The following PDCL2 variants were observed in gnomAD, a reference collection of about 807,000 sequenced individuals.
PDCL2 encodes phosducin-like protein 2.
In PDCL2, 23 loss-of-function variants were observed where a neutral mutation model predicts 30.3. The observed-to-expected ratio is 0.76, with a 90% CI of 0.55 to 1.08. The LOEUF (loss-of-function observed/expected upper bound fraction) is 1.08, where lower values mean the gene tolerates loss of function less well. PDCL2 is among the 50% of genes least tolerant of loss of function. The probability of loss-of-function intolerance (pLI) is 0.00; values close to 1 mark genes in which losing one functional copy is unlikely to be tolerated. For missense variants in PDCL2, 243 were observed against 282.3 expected (o/e 0.86, Z 1.00); for synonymous variants, 68 against 86.2 (o/e 0.79, Z 1.17).
chr4:55,568,238 G>A (rs530520635), intron 4 of PDCL2, among the ~76,000 whole-genome samples: 1 of 152,322 alleles, frequency 6.6e-6, no homozygotes, highest in African/African-American at 2.4e-5. Flanking sequence ...AGGCAGAGGG[G>A]TAGGGACCTA....
intron 1 of PDCL2, among the ~76,000 whole-genome samples, chr4:55,589,139 A>G (rs2412662): frequency 0.77 from 116,483 of 152,058 alleles, 44,975 homozygotes; most frequent in East Asian, 0.9. Flanking sequence ...TATTACAGGC[A>G]TGAGCCACCG....
intron 3 of PDCL2, among the ~76,000 whole-genome samples, chr4:55,571,204 G>A (rs6554291): frequency 0.76 from 114,692 of 151,806 alleles, 43,698 homozygotes; most frequent in East Asian, 0.9. Flanking sequence ...AACCATAATG[G>A]AAGCCTTATG....
chr4:55,560,180 C>CA (rs370486957), intron 5 of PDCL2, among the ~76,000 whole-genome samples: 2 of 60,046 alleles, frequency 3.3e-5, no homozygotes, highest in Admixed American at 2.1e-4. Context: ...ATATCTGTCT[C>CA]AAAAAAAAAG....
intron 1 of PDCL2, among the ~76,000 whole-genome samples, chr4:55,591,079 A>G (rs2110171634): frequency 6.6e-6 from 1 of 152,320 alleles, no homozygotes; most frequent in African/African-American, 2.4e-5. Flanking sequence ...ACACATATAA[A>G]ATGTGCTTGC....
chr4:55,562,498 AT>A lies in PDCL2; in HGVS notation c.476del (p.Asn159IlefsTer14), dbSNP rs1291166118. On this transcript the variant is annotated frameshift_variant, in exon 5 of 6. Coordinates refer to ENST00000295645, the MANE Select transcript of PDCL2 (RefSeq NM_152401.3). LOFTEE classifies it high-confidence loss of function. ...VNSCIQHYHD[N>X]CLPTIFVYKN... ...TATACACAAAAATTGTTGGTAAACAATTGTCATGGTAGTGTTGAATACAGCT... is the reference window on the plus strand; with the variant it reads ...TATACACAAAAATTGTTGGTAAACAATGTCATGGTAGTGTTGAATACAGCT... The A allele has an allele frequency of 3.2e-6, 5 of 1,576,196 alleles. No individual in the cohort carries two copies. The highest frequency in any genetic ancestry group is 4.3e-6 in the Non-Finnish European group (5 of 1,162,932).
At chr4:55,583,794 T>C (rs1732788434) in intron 1 of PDCL2, among the ~76,000 whole-genome samples, 1 of 152,212 alleles carries the variant, frequency 6.6e-6, no homozygotes, top group African/African-American at 2.4e-5. Context: ...ACCACGCTGT[T>C]TGGATTACAA....
At chr4:55,568,702 A>G (rs1456726064) in intron 4 of PDCL2, among the ~76,000 whole-genome samples, 5 of 152,158 alleles carry the variant, frequency 3.3e-5, no homozygotes, top group Non-Finnish European at 5.9e-5. Flanking sequence ...ACAACTGAAA[A>G]GAAACAGACA....
intron 3 of PDCL2, among the ~76,000 whole-genome samples, chr4:55,572,080 C>G (rs1246850973): frequency 4.7e-5 from 3 of 63,326 alleles, no homozygotes; most frequent in African/African-American, 2.5e-4. Flanking sequence ...CTTCTTCCTC[C>G]TTCTCATTTC....
intron 1 of PDCL2, among the ~76,000 whole-genome samples, chr4:55,586,968 A>C (rs1016357598): frequency 2.0e-5 from 3 of 152,078 alleles, no homozygotes; most frequent in Admixed American, 6.5e-5. Context: ...ATCTTCTTTT[A>C]AGAAACGTCT....
intron 4 of PDCL2, among the ~76,000 whole-genome samples, chr4:55,565,053 G>A (rs1402966766): frequency 1.3e-5 from 2 of 152,160 alleles, no homozygotes; most frequent in Non-Finnish European, 2.9e-5. Context: ...TTAGGAGGAT[G>A]AGAGGAGCCT....
Position 55,561,525 on chromosome 4 carries a change from C to T in PDCL2, c.571+879G>A, listed in dbSNP as rs536743644. On this transcript the variant is annotated intron_variant, in intron 5 of 5. Coordinates refer to ENST00000295645, the MANE Select transcript of PDCL2 (RefSeq NM_152401.3). ...GTTGCAGTGAGCCAAGGTCATGCCA[C>T]TGCACTCTAGCCTGAGTGACAGAGC... Among the ~76,000 whole-genome samples the T allele has an allele frequency of 3.9e-5, 6 of 152,262 alleles. No individual in the cohort carries two copies. The East Asian group carries it at 9.7e-4, about 24-fold the overall frequency.
chr4:55,572,506 T>C (rs2110159716), intron 3 of PDCL2, among the ~76,000 whole-genome samples: 1 of 152,266 alleles, frequency 6.6e-6, no homozygotes, highest in African/African-American at 2.4e-5. Context: ...ATCTCCTTAG[T>C]AACAATCTGA....
intron 1 of PDCL2, among the ~76,000 whole-genome samples, chr4:55,585,035 T>G (rs532033839): frequency 6.6e-6 from 1 of 152,338 alleles, no homozygotes; most frequent in East Asian, 1.9e-4. Flanking sequence ...GATTTGCGTA[T>G]GCTGAAACAT....
Position 55,590,670 on chromosome 4 carries a change from T to C in PDCL2, c.6+1434A>G, listed in dbSNP as rs1048986986. 2.6e-5 allele frequency among the ~76,000 whole-genome samples: 4 copies of C among 151,678 alleles called. No individual in the cohort carries two copies. The South Asian group carries it at 8.3e-4, about 32-fold the overall frequency. On this transcript the variant is annotated intron_variant, in intron 1 of 5. Transcript: ENST00000295645. ...TCCAGCTAATTTTTTTTTTTTTGTA[T>C]TTTTAGTAGAAATGGGGTTTTGCCA...
chr4:55,557,084 T>C (rs1553906536), intron 5 of PDCL2, among the ~76,000 whole-genome samples: 1 of 152,136 alleles, frequency 6.6e-6, no homozygotes, highest in Non-Finnish European at 1.5e-5. Context: ...GTGATCCCCC[T>C]ACCTTGGCCT....
At chr4:55,575,965 A>G (rs1024796791) in intron 3 of PDCL2, among the ~76,000 whole-genome samples, 1 of 152,234 alleles carries the variant, frequency 6.6e-6, no homozygotes, top group Non-Finnish European at 1.5e-5. Flanking sequence ...AAAGAGCACC[A>G]GATAGTATCC....
Position 55,560,189 on chromosome 4 carries a change from A to AGG in PDCL2, c.571+2213_571+2214dup, listed in dbSNP as rs11338563. On this transcript the variant is annotated intron_variant, in intron 5 of 5. Transcript: ENST00000295645. ...TCATTGATATCTGTCTCAAAAAAAA[A>AGG]GGGGGGGGGGACGAGATACACACTA... is the stretch of plus-strand genomic sequence containing the variant. 3.3e-3 allele frequency among the ~76,000 whole-genome samples: 462 copies of AGG among 138,224 alleles called. 4 individuals carry two copies. The highest frequency in any genetic ancestry group is 0.011 in the East Asian group (48 of 4,380). The allele number at this position is 138,224 out of a possible 152,430, so 90.7% of individuals were successfully genotyped here. A position where few individuals can be genotyped will look rare whatever the true frequency, so the allele number is the denominator to read the frequency against.
chr4:55,564,700 C>T lies in PDCL2; in HGVS notation c.363-2088G>A, dbSNP rs547655421. On this transcript the variant is annotated intron_variant, in intron 4 of 5. Transcript: ENST00000295645. ...CCTTAAGGAGGCTAAGCCTTCATTC[C>T]GATAAAAAGTGGGTCTAATCCTATC... Among the ~76,000 whole-genome samples, 89 of 152,146 alleles carry T rather than the reference C, an allele frequency of 5.8e-4. No individual in the cohort carries two copies. In the South Asian group the frequency reaches 0.011, roughly 18 times the overall value.
chr4:55,582,391 T>C (rs1282998377), intron 1 of PDCL2, among the ~76,000 whole-genome samples, 154 bp from the exon 2 acceptor site: 2 of 152,214 alleles, frequency 1.3e-5, no homozygotes, highest in Non-Finnish European at 2.9e-5. Flanking sequence ...GACCTACTTT[T>C]TCCTGCTTCC....
Sources: allele counts gnomAD v4.1 joint callset (sites outside exome capture counted in the v4.1 genomes callset), GRCh38; gene constraint gnomAD v4.1.1; transcripts MANE v1.5; gene names NCBI Gene and HGNC (gene_info 2026-07-23, HGNC 2026-07-21).